Variants in MED13 observed in about 807,000 individuals in gnomAD.
MED13 encodes mediator complex subunit 13.
In MED13, 23 loss-of-function variants were observed where a neutral mutation model predicts 225.2. The observed-to-expected ratio is 0.10, with a 90% confidence interval of 0.07 to 0.14. The LOEUF (loss-of-function observed/expected upper bound fraction) is 0.14. Among genes scored for constraint, MED13 ranks in the 10% least tolerant of loss-of-function variants. The probability of loss-of-function intolerance (pLI) is 1.00; values close to 1 mark genes in which losing one functional copy is unlikely to be tolerated. For missense variants in MED13, 2,197 were observed against 2,594.5 expected, an observed-to-expected ratio of 0.85 and a Z score of 3.33; for synonymous variants, 942 against 889.2, an observed-to-expected ratio of 1.06 and a Z score of -1.06.
Position 61,990,186 on chromosome 17 carries a change from T to C in MED13, c.2263+2354A>G, listed in dbSNP as rs556795038. 5.3e-5 allele frequency among the ~76,000 whole-genome samples: 8 copies of C among 152,222 alleles called. No individual in the cohort carries two copies. The East Asian group carries it at 9.6e-4, about 18-fold the overall frequency. Reference sequence around the variant, plus strand: ...TAATAACATATTGTATACTTGCAAATTGCTGAAAGTAGATTTTAAGTATTC... The same window carrying C: ...TAATAACATATTGTATACTTGCAAACTGCTGAAAGTAGATTTTAAGTATTC... On this transcript the variant is annotated intron_variant, in intron 11 of 29. Coordinates refer to ENST00000397786, the MANE Select transcript of MED13 (RefSeq NM_005121.3).
At chr17:62,028,276 T>C (rs2080721433) in intron 8 of MED13, among the ~76,000 whole-genome samples, 2 of 152,136 alleles carry the variant, frequency 1.3e-5, no homozygotes, top group Admixed American at 6.5e-5. Flanking sequence ...TGGAGGTCAT[T>C]ATCCTTAGCA....
At chr17:62,018,562 AAGTT>A (rs1317022234) in intron 8 of MED13, among the ~76,000 whole-genome samples, 1 of 152,078 alleles carries the variant, frequency 6.6e-6, no homozygotes, top group Non-Finnish European at 1.5e-5. Context: ...CACACACAAA[AAGTT>A]AGCTGGGCGT....
chr17:61,967,009 T>C (rs528333300), intron 18 of MED13, among the ~76,000 whole-genome samples: 29 of 152,338 alleles, frequency 1.9e-4, no homozygotes, highest in African/African-American at 6.7e-4. Context: ...ATTTTAGGTA[T>C]ACATTAACAC....
At chr17:61,998,372 T>G (rs1009978676) in intron 9 of MED13, among the ~76,000 whole-genome samples, 4 of 152,170 alleles carry the variant, frequency 2.6e-5, no homozygotes, top group African/African-American at 9.7e-5. Flanking sequence ...ATTCATTAAT[T>G]GCAACTCTTT....
chr17:61,946,670 T>C, intron 29 of MED13, 70 bp from the exon 30 acceptor site: 2 of 1,567,406 alleles, frequency 1.3e-6, no homozygotes, highest in East Asian at 2.2e-5. Flanking sequence ...AGTTTTCAAT[T>C]ATGGCATTTA....
chr17:62,056,129 A>G (rs996727332), intron 2 of MED13, among the ~76,000 whole-genome samples: 4 of 152,228 alleles, frequency 2.6e-5, no homozygotes, highest in Non-Finnish European at 5.9e-5. Context: ...GTAAGTCCTA[A>G]TAACGCTCAA....
intron 12 of MED13, among the ~76,000 whole-genome samples, chr17:61,985,869 C>T (rs1030362803): frequency 6.6e-6 from 1 of 152,082 alleles, no homozygotes; most frequent in African/African-American, 2.4e-5. Flanking sequence ...CTCCCTATTC[C>T]TGCAAAAATA....
At chr17:62,026,481 A>C (rs2143659130) in intron 8 of MED13, among the ~76,000 whole-genome samples, 1 of 150,534 alleles carries the variant, frequency 6.6e-6, no homozygotes, top group African/African-American at 2.4e-5. Context: ...TTATCATTAA[A>C]AAAAAAAAAA....
intron 9 of MED13, chr17:62,003,730 T>C (rs1197599123): frequency 2.6e-5 from 4 of 152,128 alleles, no homozygotes; most frequent in Admixed American, 2.6e-4. Context: ...CAATCTTTTT[T>C]TTCCCTTGTC....
chr17:62,047,767 A>C (rs2080911469), intron 3 of MED13, among the ~76,000 whole-genome samples: 2 of 151,606 alleles, frequency 1.3e-5, no homozygotes, highest in African/African-American at 2.4e-5. Context: ...AAAAAGAGAG[A>C]GAGAGAGAGA....
rs1035065420 is a variant in MED13, at chr17:61,966,484, T to A, written c.4359A>T (p.Ala1453=). Residue 1453 remains alanine (A), a synonymous_variant, in exon 19 of 30, where the codon GCA becomes GCT. Transcript: ENST00000397786. ...NEAFSKLKLY[A]QVCRYDLGPY... ...TACCTAGGTCATATCTGCAGACTTG[T>A]GCATAAAGCTTGAGTTTAGAAAATG... 6.2e-7 allele frequency: 1 copy of A among 1,613,140 alleles called. No homozygotes were observed.
intron 27 of MED13, among the ~76,000 whole-genome samples, chr17:61,951,779 T>G (rs960583081): frequency 8.5e-5 from 13 of 152,224 alleles, no homozygotes; most frequent in Admixed American, 3.3e-4. Flanking sequence ...TCTAATTTCT[T>G]TGCAGTTACA....
intron 23 of MED13, among the ~76,000 whole-genome samples, chr17:61,956,987 A>G (rs2079951131): frequency 1.3e-5 from 2 of 152,198 alleles, no homozygotes; most frequent in Admixed American, 1.3e-4. Flanking sequence ...TATAATATAT[A>G]AATTTTTAAA....
chr17:61,962,194 G>A (rs1021727343), intron 21 of MED13, among the ~76,000 whole-genome samples: 2 of 152,150 alleles, frequency 1.3e-5, no homozygotes, highest in African/African-American at 2.4e-5. Flanking sequence ...GCTGAGGCAG[G>A]AGAATCTCTT....
In MED13 at chr17:61,979,151, G is replaced by A. The variant is rs78371942; in HGVS notation, c.3805+3047C>T. The stretch of plus-strand genomic sequence containing the variant: ...AATACATTAAAGAGGTATTTTTAAA[G>A]GGTATCTGACTATATGTAATCTTCT... On this transcript the variant is annotated intron_variant, in intron 16 of 29. Transcript: ENST00000397786. Among the ~76,000 whole-genome samples, 327 of 152,222 alleles carry A rather than the reference G, an allele frequency of 2.1e-3. 3 individuals are homozygous for A. Among genetic ancestry groups the A allele is most frequent in the African/African-American group, 7.6e-3 (315 of 41,538 alleles).
In MED13 at chr17:62,063,002, T is replaced by G. The variant is rs1273509096; in HGVS notation, c.301+65A>C. On this transcript the variant is annotated intron_variant, in intron 2 of 29. Coordinates refer to ENST00000397786, the MANE Select transcript of MED13 (RefSeq NM_005121.3). ...AAACAAACTTAATTTGTAATACATA[T>G]GACATTCTGGGAGAAGTATACAATG... 7 of 1,262,866 alleles carry G rather than the reference T, an allele frequency of 5.5e-6. No homozygotes were observed. The African/African-American group carries it at 1.0e-4, about 19-fold the overall frequency. 78.2% of individuals were successfully genotyped at this position (1,262,866 alleles called of 1,614,324 possible). A position where few individuals can be genotyped will look rare whatever the true frequency, so the allele number is the denominator to read the frequency against.
intron 9 of MED13, among the ~76,000 whole-genome samples, chr17:61,999,699 A>G (rs2080377227): frequency 6.6e-6 from 1 of 152,184 alleles, no homozygotes; most frequent in Non-Finnish European, 1.5e-5. Flanking sequence ...AGGTACTCAG[A>G]AATGATAAAT....
At chr17:61,995,525 T>C (rs1358981747) in intron 9 of MED13, among the ~76,000 whole-genome samples, 160 bp from the exon 10 acceptor site, 1 of 152,230 alleles carries the variant, frequency 6.6e-6, no homozygotes, top group Non-Finnish European at 1.5e-5. Context: ...AAATAATTTA[T>C]TGAAGTCTAA....
intron 27 of MED13, among the ~76,000 whole-genome samples, chr17:61,951,704 AAAAGTAAAAATG>A (rs917911206): frequency 5.7e-4 from 87 of 152,346 alleles, no homozygotes; most frequent in African/African-American, 2.1e-3. Context: ...TAATTTGCTT[AAAAGTAAAAATG>A]GTTTTATTAA....
Sources: gnomAD v4.1 joint callset for allele counts (sites outside exome capture counted in the v4.1 genomes callset) on GRCh38, gnomAD v4.1.1 for gene constraint, MANE v1.5 for transcripts, NCBI Gene and HGNC (gene_info 2026-07-23, HGNC 2026-07-21) for gene names.